CDK17: variants seen among roughly 807,000 people sequenced by gnomAD.
CDK17 encodes cyclin-dependent kinase 17.
CDK17 carries 24 observed loss-of-function variants against 77.6 expected under a neutral mutation model. The observed-to-expected ratio is 0.31, with a 90% CI of 0.22 to 0.44. The LOEUF is 0.44. CDK17 is among the 20% of genes least tolerant of loss of function. The probability of loss-of-function intolerance (pLI) is 1.00; values close to 1 mark genes in which losing one functional copy is unlikely to be tolerated. For synonymous variants in CDK17, 203 were observed against 210.4 expected, an observed-to-expected ratio of 0.96 and a Z score of 0.30; for missense variants, 429 against 622.5, an observed-to-expected ratio of 0.69 and a Z score of 3.31.
intron 2 of CDK17, among the ~76,000 whole-genome samples, chr12:96,324,723 C>T (rs1952870475): frequency 1.3e-5 from 2 of 151,658 alleles, no homozygotes; most frequent in African/African-American, 4.8e-5. Flanking sequence ...GCCAAGATCA[C>T]GCCACTGCAC....
intron 4 of CDK17, among the ~76,000 whole-genome samples, chr12:96,311,537 G>C (rs755395850): frequency 2.2e-4 from 32 of 148,236 alleles, no homozygotes; most frequent in Non-Finnish European, 8.9e-5. Context: ...GACATTATAT[G>C]ATCTTGTATG....
chr12:96,399,400 T>C (rs1434534262), intron 1 of CDK17: 1 of 152,550 alleles, frequency 6.6e-6, no homozygotes, highest in Non-Finnish European at 1.5e-5. Flanking sequence ...GCTGCCCTGA[T>C]CTTTGTCTCT....
chr12:96,313,210 G>T, intron 4 of CDK17, 111 bp downstream of exon 4: 1 of 680,588 alleles, frequency 1.5e-6, no homozygotes, highest in Non-Finnish European at 2.3e-6. Flanking sequence ...CAAGTGTCAC[G>T]TGTCTTCATG....
chr12:96,293,309 A>T (rs1231838333), intron 10 of CDK17, among the ~76,000 whole-genome samples: 1 of 152,138 alleles, frequency 6.6e-6, no homozygotes, highest in Non-Finnish European at 1.5e-5. Flanking sequence ...AAGTGCTGGG[A>T]TTACACCCCT....
chr12:96,305,311 A>T (rs1302672279), intron 5 of CDK17, among the ~76,000 whole-genome samples: 1 of 152,244 alleles, frequency 6.6e-6, no homozygotes, highest in Non-Finnish European at 1.5e-5. Context: ...CACTGACAAA[A>T]AATTAGTGAA....
At chr12:96,358,362 C>A (rs1195757045) in intron 1 of CDK17, among the ~76,000 whole-genome samples, 1 of 54,978 alleles carries the variant, frequency 1.8e-5, no homozygotes. Context: ...GAACTCTGTG[C>A]AAACTTGTAA....
At chr12:96,309,134 T>C (rs1475404865) in intron 5 of CDK17, among the ~76,000 whole-genome samples, 2 of 152,224 alleles carry the variant, frequency 1.3e-5, no homozygotes, top group Non-Finnish European at 2.9e-5. Flanking sequence ...ATTCTGGATC[T>C]GTCCTGTCCG....
At chr12:96,289,056 T>C (rs1952282772) in intron 11 of CDK17, 111 bp downstream of exon 11, 1 of 1,136,406 alleles carries the variant, frequency 8.8e-7, no homozygotes, top group African/African-American at 1.6e-5. Context: ...TGTTACATTA[T>C]GGCTCTTTAA....
At chr12:96,360,232 C>A (rs767768050) in intron 1 of CDK17, among the ~76,000 whole-genome samples, 3 of 152,116 alleles carry the variant, frequency 2.0e-5, no homozygotes, top group Non-Finnish European at 4.4e-5. Context: ...GAAGAAAGTA[C>A]ATTGAAGGAA....
intron 1 of CDK17, among the ~76,000 whole-genome samples, chr12:96,337,191 C>T (rs1181805834): frequency 6.6e-6 from 1 of 152,160 alleles, no homozygotes; most frequent in Non-Finnish European, 1.5e-5. Context: ...TTTGTCCTCA[C>T]TCTATGGTGT....
chr12:96,340,307 T>C (rs902936831), intron 1 of CDK17, among the ~76,000 whole-genome samples: 12 of 152,182 alleles, frequency 7.9e-5, no homozygotes, highest in African/African-American at 2.9e-4. Flanking sequence ...AAAGTAATTT[T>C]AACTATACTT....
chr12:96,360,078 G>C (rs906398231), intron 1 of CDK17, among the ~76,000 whole-genome samples: 1 of 152,154 alleles, frequency 6.6e-6, no homozygotes, highest in Non-Finnish European at 1.5e-5. Flanking sequence ...ACTATGATGG[G>C]GGAAGGGATC....
chr12:96,375,647 T>G (rs1018872611), intron 1 of CDK17, among the ~76,000 whole-genome samples: 3 of 151,462 alleles, frequency 2.0e-5, no homozygotes, highest in Non-Finnish European at 2.9e-5. Flanking sequence ...TGGGTTCAAG[T>G]GATTCTCCTG....
intron 3 of CDK17, among the ~76,000 whole-genome samples, chr12:96,315,889 C>T (rs1201765966): frequency 6.6e-6 from 1 of 152,058 alleles, no homozygotes; most frequent in African/African-American, 2.4e-5. Context: ...AAAGGCTCAA[C>T]TCCCAAAGTG....
At chr12:96,347,110 A>G (rs796540245) in intron 1 of CDK17, among the ~76,000 whole-genome samples, 4 of 152,322 alleles carry the variant, frequency 2.6e-5, no homozygotes, top group South Asian at 2.1e-4. Flanking sequence ...ACATTAAGCT[A>G]TATCAATTAT....
chr12:96,332,489 G>A (rs1164442790), intron 2 of CDK17, among the ~76,000 whole-genome samples: 1 of 151,764 alleles, frequency 6.6e-6, no homozygotes, highest in Non-Finnish European at 1.5e-5. Flanking sequence ...TATGTGACCT[G>A]TCTAACAGCT....
In CDK17 at chr12:96,286,166, AT is replaced by A. The variant is rs1299263484; in HGVS notation, c.1217-19del. On this transcript the variant is annotated intron_variant, in intron 12 of 16. Transcript: ENST00000261211. ...TGGAGTTCCTGAATTAAAAAAAAAA[AT>A]TAAATATATTTATAAATATATATAA... The A allele has an allele frequency of 4.3e-6, 3 of 703,564 alleles. No homozygotes were observed. Among genetic ancestry groups the A allele is most frequent in the Non-Finnish European group, 6.2e-6 (3 of 481,136 alleles). 43.6% of individuals were successfully genotyped at this position (703,564 alleles called of 1,614,324 possible).
intron 1 of CDK17, among the ~76,000 whole-genome samples, chr12:96,348,595 AAGAAG>A: frequency 6.6e-6 from 1 of 152,068 alleles, no homozygotes; most frequent in South Asian, 2.1e-4. Context: ...ACTGACTAAC[AAGAAG>A]AGATTACACT....
intron 1 of CDK17, among the ~76,000 whole-genome samples, chr12:96,374,478 T>C (rs1414798536): frequency 1.3e-5 from 2 of 152,200 alleles, no homozygotes; most frequent in Admixed American, 6.5e-5. Context: ...AAGAAATTAT[T>C]TGTAGCTTCT....
Sources: gnomAD v4.1 joint callset for allele counts (sites outside exome capture counted in the v4.1 genomes callset) on GRCh38, gnomAD v4.1.1 for gene constraint, MANE v1.5 for transcripts, NCBI Gene and HGNC (gene_info 2026-07-23, HGNC 2026-07-21) for gene names.